ZNRF2: variants seen among roughly 807,000 people sequenced by gnomAD.
The protein encoded by ZNRF2 is E3 ubiquitin-protein ligase ZNRF2.
Under a neutral mutation model 20.4 loss-of-function variants are expected in ZNRF2, and 16 were observed. The ratio of observed to expected loss-of-function variants is 0.79; its 90% CI spans 0.53 to 1.19. ZNRF2 has a LOEUF of 1.19. Ranked by LOEUF, ZNRF2 falls within the 50% of genes most tolerant of loss-of-function variation. The pLI is 0.00. For missense variants in ZNRF2, 363 were observed against 332.4 expected (o/e 1.09, Z -0.72); for synonymous variants, 178 against 144.9 (o/e 1.23, Z -1.64).
intron 3 of ZNRF2, among the ~76,000 whole-genome samples, chr7:30,358,338 T>G (rs574269651): frequency 6.6e-6 from 1 of 152,206 alleles, no homozygotes; most frequent in Non-Finnish European, 1.5e-5. Flanking sequence ...CTATAAGGCT[T>G]ATAAGGATTA....
intron 4 of ZNRF2, among the ~76,000 whole-genome samples, chr7:30,363,637 G>A: frequency 6.6e-6 from 1 of 151,738 alleles, no homozygotes; most frequent in East Asian, 1.9e-4. Flanking sequence ...AAATAAAGTT[G>A]CATTTTACGA....
At chr7:30,312,062 T>C (rs533753848) in intron 1 of ZNRF2, among the ~76,000 whole-genome samples, 31 of 152,264 alleles carry the variant, frequency 2.0e-4, no homozygotes, top group Non-Finnish European at 4.3e-4. Context: ...GTTAGGTACA[T>C]TTTATATTTG....
chr7:30,295,722 A>AAC (rs1049360278), intron 1 of ZNRF2, among the ~76,000 whole-genome samples: 28 of 152,318 alleles, frequency 1.8e-4, no homozygotes, highest in African/African-American at 6.5e-4. Context: ...AACAAAACAA[A>AAC]AACCTGCTTT....
At chr7:30,321,644 G>A (rs891077056) in intron 1 of ZNRF2, among the ~76,000 whole-genome samples, 1 of 152,032 alleles carries the variant, frequency 6.6e-6, no homozygotes, top group African/African-American at 2.4e-5. Flanking sequence ...TTGCACTTTT[G>A]TTTAAGTTTG....
intron 1 of ZNRF2, among the ~76,000 whole-genome samples, chr7:30,307,429 C>T (rs1799228409): frequency 7.3e-6 from 1 of 137,384 alleles, no homozygotes; most frequent in Admixed American, 8.3e-5. Context: ...TTCTATATGG[C>T]ATTTGGAATC....
chr7:30,293,137 T>C (rs1320121852), intron 1 of ZNRF2, among the ~76,000 whole-genome samples: 2 of 152,046 alleles, frequency 1.3e-5, no homozygotes, highest in African/African-American at 4.8e-5. Context: ...TGAGAGAAAA[T>C]GAAGAGTCAA....
chr7:30,359,846 G>C (rs563798047), intron 3 of ZNRF2, among the ~76,000 whole-genome samples: 1 of 152,142 alleles, frequency 6.6e-6, no homozygotes, highest in African/African-American at 2.4e-5. Context: ...TGAGTAGTCT[G>C]CCTTTAACCT....
At chr7:30,358,767 G>C (rs912075459) in intron 3 of ZNRF2, among the ~76,000 whole-genome samples, 2 of 152,220 alleles carry the variant, frequency 1.3e-5, no homozygotes, top group African/African-American at 2.4e-5. Flanking sequence ...AGCATAGCAT[G>C]AGAGTTAAGA....
chr7:30,355,691 A>T (rs761029669), intron 2 of ZNRF2, 37 bp from the exon 3 acceptor site: 1 of 1,525,774 alleles, frequency 6.6e-7, no homozygotes, highest in East Asian at 2.3e-5. Context: ...TTTGATGGAT[A>T]ATTTTATTGT....
chr7:30,337,092 T>TA lies in ZNRF2; in HGVS notation c.565+13356dup, dbSNP rs1243689786. On this transcript the variant is annotated intron_variant, in intron 2 of 4. Coordinates refer to ENST00000323037, the MANE Select transcript of ZNRF2 (RefSeq NM_147128.4). ...ATTTTTTCTCATTTTTAAAGTCTCT[T>TA]ACTTGTTTTGGTAATATTTGCCTTG... Among the ~76,000 whole-genome samples, 4 of 152,310 alleles carry TA rather than the reference T, an allele frequency of 2.6e-5. No individual in the cohort carries two copies. In the East Asian group the frequency reaches 7.7e-4, roughly 29 times the overall value.
chr7:30,324,187 G>A (rs1360124507), intron 2 of ZNRF2, among the ~76,000 whole-genome samples: 14 of 151,844 alleles, frequency 9.2e-5, no homozygotes, highest in Admixed American at 7.9e-4. Context: ...GATATGGCAC[G>A]TCTTGTGTCC....
rs1798758355 is a variant in ZNRF2, at chr7:30,285,464, G to A, written c.107G>A (p.Gly36Asp). The A allele has an allele frequency of 1.8e-6, 2 of 1,130,220 alleles. No individual in the cohort carries two copies. Among genetic ancestry groups the A allele is most frequent in the Middle Eastern group, 4.0e-4 (1 of 2,520 alleles). 70.0% of individuals were successfully genotyped at this position (1,130,220 alleles called of 1,614,324 possible). A position where few individuals can be genotyped will look rare whatever the true frequency, so the allele number is the denominator to read the frequency against. Residue 36 changes from glycine to aspartate, a missense_variant, in exon 1 of 5, where the codon GGC becomes GAC. Physicochemically the swap from Gly to Asp is moderately conservative, Grantham distance 94. This residue lies in a region of ZNRF2 where 302 missense variants were observed against 231.5 expected (regional missense o/e 1.30). Transcript: ENST00000323037. Reference protein sequence around the residue: ...SSSGGANGTAGGGGGARAAAA... With the variant: ...SSSGGANGTADGGGGARAAAA... ...AGCGGAGGCGCCAATGGGACCGCGG[G>A]CGGCGGCGGGGGCGCTCGGGCCGCC...
intron 1 of ZNRF2, among the ~76,000 whole-genome samples, chr7:30,315,766 ATACT>A (rs939507661): frequency 1.4e-5 from 2 of 145,072 alleles, no homozygotes; most frequent in African/African-American, 2.5e-5. Flanking sequence ...CCTACAGGGC[ATACT>A]TAAAGAATCC....
rs755404064 is a variant in ZNRF2 at position 30,342,048 on chromosome 7, C to CTT, written c.566-13666_566-13665dup. Among the ~76,000 whole-genome samples, 1,303 of 132,648 alleles carry CTT rather than the reference C, an allele frequency of 9.8e-3. 20 individuals carry two copies. The highest frequency in any genetic ancestry group is 0.033 in the African/African-American group (1,206 of 36,152). 87.0% of individuals were successfully genotyped at this position (132,648 alleles called of 152,430 possible). ...TCAGAGACAAGGATTTCAACCCCTGCTTTTTTTTTTTTTTTGCTTTCCATT... is the reference window on the plus strand; with the variant it reads ...TCAGAGACAAGGATTTCAACCCCTGCTTTTTTTTTTTTTTTTTGCTTTCCATT... On this transcript the variant is annotated intron_variant, in intron 2 of 4. Transcript: ENST00000323037.
At position 30,285,208 on chromosome 7, in the gene ZNRF2, C is replaced by G. The variant is rs1387251374; in HGVS notation, c.-150C>G. The G allele has an allele frequency of 3.7e-6, 2 of 535,496 alleles. No individual in the cohort carries two copies. Among genetic ancestry groups the G allele is most frequent in the African/African-American group, 4.2e-5 (2 of 47,196 alleles). 33.2% of individuals were successfully genotyped at this position (535,496 alleles called of 1,614,324 possible). ...AAGAGCGCGCCGGGCGCCGACTGCC[C>G]CTCTGGACGCCGGGCGGCGGCCCTG... On this transcript the variant is annotated 5_prime_UTR_variant, in exon 1 of 5. Coordinates refer to ENST00000323037, the MANE Select transcript of ZNRF2 (RefSeq NM_147128.4).
At chr7:30,331,071 A>G (rs1799629254) in intron 2 of ZNRF2, among the ~76,000 whole-genome samples, 1 of 152,222 alleles carries the variant, frequency 6.6e-6, no homozygotes, top group Admixed American at 6.5e-5. Flanking sequence ...GCAATGGGAA[A>G]TGTCAAATCT....
At chr7:30,311,822 G>A (rs561148004) in intron 1 of ZNRF2, among the ~76,000 whole-genome samples, 2 of 152,190 alleles carry the variant, frequency 1.3e-5, no homozygotes, top group South Asian at 2.1e-4. Context: ...CTACGTAAAC[G>A]TTACTGATTA....
intron 2 of ZNRF2, among the ~76,000 whole-genome samples, chr7:30,353,105 G>T (rs541780609): frequency 6.6e-6 from 1 of 152,206 alleles, no homozygotes; most frequent in South Asian, 2.1e-4. Context: ...ACACATTCTA[G>T]TGGAAACAAG....
At chr7:30,358,606 A>G (rs566175286) in intron 3 of ZNRF2, among the ~76,000 whole-genome samples, 1 of 152,354 alleles carries the variant, frequency 6.6e-6, no homozygotes, top group South Asian at 2.1e-4. Context: ...AGAACAGTTA[A>G]GACACTCATG....
Sources: allele counts gnomAD v4.1 joint callset (sites outside exome capture counted in the v4.1 genomes callset), GRCh38; gene constraint gnomAD v4.1.1; regional missense constraint gnomAD v4.1.1; transcripts MANE v1.5; gene names NCBI Gene and HGNC (gene_info 2026-07-23, HGNC 2026-07-21).